Variants in SUN1 observed in about 807,000 individuals in gnomAD.
The protein encoded by SUN1 is Sad1 and UNC84 domain containing 1, also known as SUN domain-containing protein 1.
SUN1 carries 61 observed loss-of-function variants against 103.2 expected under a neutral mutation model. That is an observed-to-expected ratio of 0.59 (90% CI 0.48 to 0.73). SUN1 has a LOEUF of 0.73. Among genes scored for constraint, SUN1 ranks in the 30% least tolerant of loss-of-function variants. The pLI is 0.00. For synonymous variants in SUN1, 490 were observed against 425.7 expected (o/e 1.15, Z -1.86); for missense variants, 1,052 against 1,034.6 (o/e 1.02, Z -0.23).
chr7:866,198 T>A, intron 16 of SUN1, 131 bp downstream of exon 16: 1 of 760,508 alleles, frequency 1.3e-6, no homozygotes, highest in Non-Finnish European at 2.2e-6. Flanking sequence ...CCACAAGAAG[T>A]GGCAGCGTTC....
chr7:849,279 TTTG>T, intron 5 of SUN1, among the ~76,000 whole-genome samples: 2 of 152,344 alleles, frequency 1.3e-5, no homozygotes, highest in Admixed American at 1.3e-4. Flanking sequence ...CAGGCCAATC[TTTG>T]TATTGTTTGG....
upstream of SUN1, chr7:832,371 T>A (rs1798760399): frequency 1.3e-6 from 1 of 750,164 alleles, no homozygotes; most frequent in South Asian, 1.6e-5. Context: ...ACACTGCTGC[T>A]GGCCGTGTTT....
At chr7:857,985 T>A (rs1829055964) in intron 13 of SUN1, 28 bp downstream of exon 13, 1 of 1,532,796 alleles carries the variant, frequency 6.5e-7, no homozygotes. Flanking sequence ...TTACTTTTTG[T>A]TTTATAATAG....
Position 856,408 on chromosome 7 carries a change from G to C in SUN1, c.1394+7G>C, listed in dbSNP as rs1174396344. ...CCAAGCAAAAAACAATCAGGTAGGAGGATTTGGAAAACATTCACTTTTGTC... is the reference window on the plus strand; with the variant it reads ...CCAAGCAAAAAACAATCAGGTAGGACGATTTGGAAAACATTCACTTTTGTC... On this transcript the variant is annotated splice_region_variant and intron_variant, in intron 12 of 18. Coordinates refer to ENST00000401592, the MANE Select transcript of SUN1 (RefSeq NM_001130965.3). 6.2e-7 allele frequency: 1 copy of C among 1,614,112 alleles called. No homozygotes were observed. Among genetic ancestry groups the C allele is most frequent in the Non-Finnish European group, 8.5e-7 (1 of 1,179,978 alleles).
chr7:839,365 C>T (rs1002114363), intron 2 of SUN1, among the ~76,000 whole-genome samples: 4 of 152,240 alleles, frequency 2.6e-5, no homozygotes, highest in African/African-American at 4.8e-5. Flanking sequence ...CACATGCTGT[C>T]GTGGACGATC....
chr7:857,040 T>C (rs967467031), intron 12 of SUN1, among the ~76,000 whole-genome samples: 1 of 152,150 alleles, frequency 6.6e-6, no homozygotes, highest in Admixed American at 6.5e-5. Flanking sequence ...ACACGACCAC[T>C]GATTTGCCAA....
Position 873,412 on chromosome 7 carries a change from T to C in SUN1, c.*81T>C. 7.9e-7 allele frequency: 1 copy of C among 1,266,470 alleles called. No individual in the cohort carries two copies. Among genetic ancestry groups the C allele is most frequent in the South Asian group, 1.2e-5 (1 of 83,066 alleles). The allele number at this position is 1,266,470 out of a possible 1,614,324, so 78.5% of individuals were successfully genotyped here. On this transcript the variant is annotated 3_prime_UTR_variant, in exon 19 of 19. Coordinates refer to ENST00000401592, the MANE Select transcript of SUN1 (RefSeq NM_001130965.3). ...CTGGAATCCTTCATGGACGAGGGCA[T>C]ATACAATGATGGGACAGTGCCACAC... is the stretch of plus-strand genomic sequence containing the variant.
At position 851,859 on chromosome 7, in the gene SUN1, C is replaced by T. The variant is rs76054671; in HGVS notation, c.758-91C>T. The T allele has an allele frequency of 7.2e-3, 9,728 of 1,347,274 alleles. 99 individuals carry two copies. Among genetic ancestry groups the T allele is most frequent in the Middle Eastern group, 0.029 (159 of 5,412 alleles). 83.5% of individuals were successfully genotyped at this position (1,347,274 alleles called of 1,614,324 possible). A position where few individuals can be genotyped will look rare whatever the true frequency, so the allele number is the denominator to read the frequency against. ...TCACCTCCAGCTTCATCTTCATGTGCTTCTAGCTTGGCCTTCACAGAAATG... is the reference window on the plus strand; with the variant it reads ...TCACCTCCAGCTTCATCTTCATGTGTTTCTAGCTTGGCCTTCACAGAAATG... On this transcript the variant is annotated intron_variant, in intron 6 of 18. Coordinates refer to ENST00000401592, the MANE Select transcript of SUN1 (RefSeq NM_001130965.3).
intron 3 of SUN1, 91 bp downstream of exon 3, chr7:842,221 C>A: frequency 7.0e-7 from 1 of 1,428,936 alleles, no homozygotes; most frequent in Non-Finnish European, 9.5e-7. Context: ...GCCAGGTTGT[C>A]GGTTTGCATG....
At chr7:822,415 C>T (rs1490324328) in intron 1 of SUN1, among the ~76,000 whole-genome samples, 2 of 152,170 alleles carry the variant, frequency 1.3e-5, no homozygotes, top group Non-Finnish European at 2.9e-5. Flanking sequence ...AACTGTAGGT[C>T]TCAGACAAGC....
rs764036954 is a variant in SUN1 at position 852,570 on chromosome 7, C to A, written c.852-39C>A. On this transcript the variant is annotated intron_variant, in intron 7 of 18. Transcript: ENST00000401592. ...AAACAGATTGGTGAACCCTGACTTT[C>A]ATTTTTTCTAAGTCAAAGGTTTTCA... The A allele has an allele frequency of 1.1e-5, 18 of 1,613,152 alleles. 1 individual carries two copies. In the South Asian group the frequency reaches 1.6e-4, roughly 15 times the overall value.
intron 15 of SUN1, 117 bp downstream of exon 15, chr7:861,581 A>T (rs1016761755): frequency 3.1e-6 from 3 of 973,744 alleles, no homozygotes; most frequent in Non-Finnish European, 4.8e-6. Flanking sequence ...ACTTTTAAAC[A>T]TCTGAGAAAG....
At chr7:849,459 G>A in intron 5 of SUN1, 2 of 1,240,834 alleles carry the variant, frequency 1.6e-6, no homozygotes, top group African/African-American at 1.5e-5. Context: ...TCATCAGGGT[G>A]CGAGAAGCAC....
At chr7:825,113 C>T (rs887888984) in intron 1 of SUN1, among the ~76,000 whole-genome samples, 10 of 151,826 alleles carry the variant, frequency 6.6e-5, no homozygotes, top group African/African-American at 2.4e-4. Context: ...GGCTGGAGTG[C>T]AGTGGCACGA....
At chr7:824,632 A>G (rs557150134) in intron 1 of SUN1, among the ~76,000 whole-genome samples, 2 of 152,314 alleles carry the variant, frequency 1.3e-5, no homozygotes, top group African/African-American at 4.8e-5. Context: ...CCTTATGGTA[A>G]GGAGATGTGT....
intron 5 of SUN1, among the ~76,000 whole-genome samples, chr7:845,342 TG>T (rs964745360): frequency 6.6e-6 from 1 of 152,204 alleles, no homozygotes; most frequent in Non-Finnish European, 1.5e-5. Flanking sequence ...TTGGGTGTTT[TG>T]GGGGAGAAAA....
At chr7:852,115 T>G in intron 7 of SUN1, 72 bp downstream of exon 7, 1 of 1,307,508 alleles carries the variant, frequency 7.6e-7, no homozygotes, top group South Asian at 1.2e-5. Context: ...GGCTCTCATT[T>G]GATTTGTTAT....
At chr7:836,813 C>A (rs1157940995) in intron 1 of SUN1, among the ~76,000 whole-genome samples, 2 of 152,204 alleles carry the variant, frequency 1.3e-5, no homozygotes, top group African/African-American at 4.8e-5. Flanking sequence ...GTAACCCCTG[C>A]AGAGGGAAAG....
chr7:835,342 C>T (rs982103283), intron 1 of SUN1, among the ~76,000 whole-genome samples: 1 of 152,240 alleles, frequency 6.6e-6, no homozygotes, highest in Non-Finnish European at 1.5e-5. Flanking sequence ...CCTGGAACTT[C>T]ACTGGATTCT....
Sources: gnomAD v4.1 joint callset for allele counts (sites outside exome capture counted in the v4.1 genomes callset) on GRCh38, gnomAD v4.1.1 for gene constraint, MANE v1.5 for transcripts, NCBI Gene and HGNC (gene_info 2026-07-23, HGNC 2026-07-21) for gene names.